The following PRDM5 variants were observed in gnomAD, a reference collection of about 807,000 sequenced individuals.
PRDM5 encodes the protein PR domain zinc finger protein 5.
In PRDM5, 56 loss-of-function variants were observed where a neutral mutation model predicts 81.2. That is an observed-to-expected ratio of 0.69 (90% CI 0.56 to 0.86). PRDM5 has a LOEUF of 0.86. PRDM5 is among the 40% of genes least tolerant of loss of function. The pLI is 0.00. For synonymous variants in PRDM5, 267 were observed against 256.4 expected, an observed-to-expected ratio of 1.04 and a Z score of -0.39; for missense variants, 697 against 770.1, an observed-to-expected ratio of 0.91 and a Z score of 1.12.
intron 14 of PRDM5, among the ~76,000 whole-genome samples, chr4:120,719,355 T>A (rs1168643981): frequency 6.6e-6 from 1 of 152,218 alleles, no homozygotes; most frequent in East Asian, 1.9e-4. Flanking sequence ...TAAAAACGAA[T>A]TACTAGAAAA....
intron 13 of PRDM5, among the ~76,000 whole-genome samples, chr4:120,756,733 T>C (rs186370311): frequency 1.3e-5 from 2 of 152,338 alleles, no homozygotes; most frequent in Non-Finnish European, 2.9e-5. Context: ...GTATAAAAAG[T>C]CATTTTTTAG....
chr4:120,777,256 A>T lies in PRDM5; in HGVS notation c.1469T>A (p.Ile490Asn). 6.2e-7 allele frequency: 1 copy of T among 1,613,428 alleles called. No individual in the cohort carries two copies. Among genetic ancestry groups the T allele is most frequent in the African/African-American group, 1.3e-5 (1 of 74,988 alleles). ...KKTHTGEKEK[I>N]CPYCGQKFAS... ...AAATTTCTGGCCACAATATGGACAG[A>T]TTTTCTCCTTTTCTCCTGTATGTGT... is the stretch of plus-strand genomic sequence containing the variant. The change falls in exon 13 of 16, where the codon ATC becomes AAC. Residue 490 changes from isoleucine to asparagine, a missense_variant. Ile to Asn is a moderately radical substitution (Grantham distance 149, BLOSUM62 -3). Coordinates refer to ENST00000264808, the MANE Select transcript of PRDM5 (RefSeq NM_018699.4).
chr4:120,696,887 A>C (rs1182237396), intron 15 of PRDM5, among the ~76,000 whole-genome samples: 1 of 152,138 alleles, frequency 6.6e-6, no homozygotes, highest in African/African-American at 2.4e-5. Context: ...AAATGCAGCC[A>C]ATTTATCTCA....
At chr4:120,920,247 A>C (rs534547291) in intron 1 of PRDM5, among the ~76,000 whole-genome samples, 2 of 152,386 alleles carry the variant, frequency 1.3e-5, no homozygotes, top group South Asian at 4.1e-4. Flanking sequence ...AATTGCAAGC[A>C]CTTTTTAAAA....
chr4:120,781,828 A>C (rs971512100), intron 11 of PRDM5, among the ~76,000 whole-genome samples: 1 of 152,176 alleles, frequency 6.6e-6, no homozygotes, highest in Non-Finnish European at 1.5e-5. Flanking sequence ...TGGGAGAGGG[A>C]AAGTTACAAT....
intron 1 of PRDM5, among the ~76,000 whole-genome samples, chr4:120,910,148 A>G (rs1033878788): frequency 7.2e-5 from 11 of 152,312 alleles, no homozygotes; most frequent in African/African-American, 2.4e-4. Flanking sequence ...CTTGAAAAAC[A>G]CTGACATTAA....
rs781182866 is a variant in PRDM5, at chr4:120,907,593, A to G, written c.94-36T>C. On this transcript the variant is annotated intron_variant, in intron 1 of 15. Coordinates refer to ENST00000264808, the MANE Select transcript of PRDM5 (RefSeq NM_018699.4). ...ATGATTATATTGAACAAGGATTAGT[A>G]CAATAAATCAACATACTAAAATAAA... 19 of 1,500,610 alleles carry G rather than the reference A, an allele frequency of 1.3e-5. No homozygotes were observed. In the South Asian group the frequency reaches 2.0e-4, roughly 16 times the overall value. The allele number at this position is 1,500,610 out of a possible 1,614,324, so 93.0% of individuals were successfully genotyped here.
At chr4:120,887,663 C>T (rs1763582316) in intron 2 of PRDM5, among the ~76,000 whole-genome samples, 1 of 152,192 alleles carries the variant, frequency 6.6e-6, no homozygotes, top group African/African-American at 2.4e-5. Context: ...TCATTGTCAT[C>T]TCTGCTACAA....
chr4:120,849,230 G>C (rs547295757), intron 3 of PRDM5, among the ~76,000 whole-genome samples: 22 of 152,218 alleles, frequency 1.4e-4, no homozygotes, highest in Middle Eastern at 3.4e-3. Context: ...GGAAAACAAA[G>C]TTGCTTCTCT....
intron 3 of PRDM5, chr4:120,839,351 A>T: frequency 4.3e-6 from 3 of 700,810 alleles, no homozygotes; most frequent in South Asian, 1.5e-5. Flanking sequence ...GAGCAACAGA[A>T]CAGCTCAGAG....
chr4:120,757,528 CATT>C (rs143126930), intron 13 of PRDM5, among the ~76,000 whole-genome samples: 29,606 of 152,082 alleles, frequency 0.19, 3,510 homozygotes, highest in Non-Finnish European at 0.27. Context: ...GCTGGTAAAA[CATT>C]ATTTCTGGGT....
At chr4:120,869,153 A>C (rs900445267) in intron 2 of PRDM5, among the ~76,000 whole-genome samples, 1 of 152,186 alleles carries the variant, frequency 6.6e-6, no homozygotes, top group Non-Finnish European at 1.5e-5. Context: ...TACACATCAA[A>C]ACATTAATTA....
At chr4:120,745,233 C>T (rs1392354138) in intron 14 of PRDM5, among the ~76,000 whole-genome samples, 157 of 123,466 alleles carry the variant, frequency 1.3e-3, no homozygotes, top group Non-Finnish European at 1.6e-3. Flanking sequence ...ATTCAACAAC[C>T]CTTCATGCTA....
At chr4:120,832,798 CA>C (rs1271050183) in intron 3 of PRDM5, among the ~76,000 whole-genome samples, 2 of 152,046 alleles carry the variant, frequency 1.3e-5, no homozygotes, top group Admixed American at 6.6e-5. Flanking sequence ...CTATTCTCAA[CA>C]AATTCTTAAG....
intron 2 of PRDM5, among the ~76,000 whole-genome samples, chr4:120,869,312 G>T (rs1761538847): frequency 6.6e-6 from 1 of 152,062 alleles, no homozygotes; most frequent in South Asian, 2.1e-4. Context: ...AACTTCTCAG[G>T]TAGAATATTA....
intron 2 of PRDM5, among the ~76,000 whole-genome samples, chr4:120,904,545 A>G (rs937145747): frequency 6.6e-6 from 1 of 152,224 alleles, no homozygotes; most frequent in African/African-American, 2.4e-5. Flanking sequence ...GTGTACCATT[A>G]CCTGAGCATA....
intron 15 of PRDM5, 87 bp from the exon 16 acceptor site, chr4:120,695,362 AAATT>A: frequency 7.0e-7 from 1 of 1,427,940 alleles, no homozygotes; most frequent in Non-Finnish European, 9.7e-7. Flanking sequence ...TTGGCAAAGA[AAATT>A]AATAAGTTAC....
chr4:120,872,956 T>C (rs549439354), intron 2 of PRDM5, among the ~76,000 whole-genome samples: 2 of 152,194 alleles, frequency 1.3e-5, no homozygotes, highest in South Asian at 4.1e-4. Context: ...AAGTGGTAAG[T>C]GGACAGTTAA....
intron 2 of PRDM5, among the ~76,000 whole-genome samples, chr4:120,891,914 G>A (rs1476977504): frequency 6.6e-6 from 1 of 152,202 alleles, no homozygotes; most frequent in African/African-American, 2.4e-5. Context: ...ACAGGCATGA[G>A]CCACTTTCTA....
Sources: allele counts gnomAD v4.1 joint callset (sites outside exome capture counted in the v4.1 genomes callset), GRCh38; gene constraint gnomAD v4.1.1; transcripts MANE v1.5; gene names NCBI Gene and HGNC (gene_info 2026-07-23, HGNC 2026-07-21).